Variants in USP25 observed in about 807,000 individuals in gnomAD.
USP25 encodes ubiquitin carboxyl-terminal hydrolase 25.
Under a neutral mutation model 158.5 loss-of-function variants are expected in USP25, and 85 were observed. That is an observed-to-expected ratio of 0.54 (90% CI 0.45 to 0.64). The LOEUF is 0.64. Among genes scored for constraint, USP25 ranks in the 30% least tolerant of loss-of-function variants. The pLI is 0.00. For missense variants in USP25, 1,242 were observed against 1,327.3 expected (o/e 0.94, Z 1.00); for synonymous variants, 464 against 460.4 (o/e 1.01, Z -0.10).
At chr21:15,771,854 A>G (rs1014802873) in intron 3 of USP25, among the ~76,000 whole-genome samples, 5 of 150,566 alleles carry the variant, frequency 3.3e-5, no homozygotes, top group Non-Finnish European at 5.9e-5. Flanking sequence ...TCTGTCTTGC[A>G]CTCCCTTGCT....
chr21:15,731,001 T>TC (rs1491266176), intron 1 of USP25, among the ~76,000 whole-genome samples: 3 of 115,976 alleles, frequency 2.6e-5, no homozygotes, highest in African/African-American at 6.5e-5. Context: ...TTTTTTTTTT[T>TC]CAATATAGAA....
At chr21:15,794,618 A>T (rs1362923956) in intron 5 of USP25, among the ~76,000 whole-genome samples, 1 of 151,522 alleles carries the variant, frequency 6.6e-6, no homozygotes, top group Non-Finnish European at 1.5e-5. Flanking sequence ...TAAGGTGCTC[A>T]TACTTCTCAG....
chr21:15,734,403 T>C (rs2031280076), intron 1 of USP25, among the ~76,000 whole-genome samples: 1 of 152,232 alleles, frequency 6.6e-6, no homozygotes. Context: ...GGAGGCATTC[T>C]TTATTAGGAA....
In USP25 at chr21:15,730,387, G is replaced by A. The variant is rs2030675238; in HGVS notation, c.-7G>A. 3.2e-6 allele frequency: 4 copies of A among 1,251,342 alleles called. No individual in the cohort carries two copies. The South Asian group carries it at 1.3e-4, about 41-fold the overall frequency. 77.5% of individuals were successfully genotyped at this position (1,251,342 alleles called of 1,614,324 possible). On this transcript the variant is annotated 5_prime_UTR_variant, in exon 1 of 26. Coordinates refer to ENST00000400183, the MANE Select transcript of USP25 (RefSeq NM_001283041.3). Reference sequence around the variant, plus strand: ...CCGCCGCCGCCGCCGCCGCCGCCGCGGGGGCCATGACCGTGGAGCAGAACG... The same window carrying A: ...CCGCCGCCGCCGCCGCCGCCGCCGCAGGGGCCATGACCGTGGAGCAGAACG...
intron 4 of USP25, among the ~76,000 whole-genome samples, chr21:15,791,255 ACTTT>A (rs1210696565): frequency 1.3e-5 from 2 of 151,904 alleles, no homozygotes; most frequent in South Asian, 2.1e-4. Flanking sequence ...GATTTATTGT[ACTTT>A]CTATTATATA....
chr21:15,861,179 A>T (rs754895733), intron 20 of USP25, among the ~76,000 whole-genome samples: 5 of 152,104 alleles, frequency 3.3e-5, no homozygotes, highest in Non-Finnish European at 7.4e-5. Context: ...TGGGGAATGA[A>T]CAAGAAAGGA....
chr21:15,810,198 AT>A (rs925043325), intron 8 of USP25, among the ~76,000 whole-genome samples: 4 of 151,912 alleles, frequency 2.6e-5, no homozygotes, highest in African/African-American at 7.3e-5. Context: ...AAGGGCCAGA[AT>A]TTTTTTTCAG....
At chr21:15,763,318 A>T (rs1008826106) in intron 2 of USP25, among the ~76,000 whole-genome samples, 14 of 152,120 alleles carry the variant, frequency 9.2e-5, no homozygotes, top group African/African-American at 2.7e-4. Context: ...GTATTAGAGG[A>T]TGAGGTGTAA....
At chr21:15,763,009 C>G in intron 2 of USP25, 41 bp downstream of exon 2, 1 of 1,549,778 alleles carries the variant, frequency 6.5e-7, no homozygotes. Flanking sequence ...GTGGTATATG[C>G]TCATCTCTAG....
Position 15,874,013 on chromosome 21 carries a change from T to C in USP25, c.2886-390T>C, listed in dbSNP as rs891260650. ...ACAAACCAAATGATGTTTGTGATCA[T>C]TTACTTCATATAAATGTGACATTGC... is the stretch of plus-strand genomic sequence containing the variant. On this transcript the variant is annotated intron_variant, in intron 23 of 25. Coordinates refer to ENST00000400183, the MANE Select transcript of USP25 (RefSeq NM_001283041.3). Among the ~76,000 whole-genome samples the C allele has an allele frequency of 1.3e-5, 2 of 152,196 alleles. 1 individual carries two copies. Among genetic ancestry groups the C allele is most frequent in the Non-Finnish European group, 2.9e-5 (2 of 68,034 alleles).
intron 22 of USP25, among the ~76,000 whole-genome samples, chr21:15,868,037 G>C (rs373722580): frequency 5.9e-5 from 9 of 152,118 alleles, no homozygotes; most frequent in African/African-American, 1.9e-4. Context: ...AAAGATCCCA[G>C]TCCACCTCCC....
intron 1 of USP25, among the ~76,000 whole-genome samples, chr21:15,747,418 A>G (rs1478097385): frequency 6.6e-6 from 1 of 151,658 alleles, no homozygotes; most frequent in South Asian, 2.1e-4. Context: ...GTTTTTTCTT[A>G]TCTATATATA....
At chr21:15,792,261 A>G (rs549056643) in intron 5 of USP25, among the ~76,000 whole-genome samples, 11 of 151,758 alleles carry the variant, frequency 7.2e-5, no homozygotes, top group African/African-American at 2.7e-4. Context: ...AGACATATGT[A>G]TGTGTAGATA....
At chr21:15,838,081 C>T (rs1005384441) in intron 17 of USP25, among the ~76,000 whole-genome samples, 1 of 151,904 alleles carries the variant, frequency 6.6e-6, no homozygotes, top group African/African-American at 2.4e-5. Flanking sequence ...CATATACCAC[C>T]ACACTGGGCT....
At chr21:15,815,378 A>C (rs2036885329) in intron 9 of USP25, among the ~76,000 whole-genome samples, 1 of 152,184 alleles carries the variant, frequency 6.6e-6, no homozygotes, top group African/African-American at 2.4e-5. Flanking sequence ...AACTGTGAGA[A>C]GAAGGCCACT....
At chr21:15,861,202 G>A (rs1357764077) in intron 20 of USP25, among the ~76,000 whole-genome samples, 1 of 152,014 alleles carries the variant, frequency 6.6e-6, no homozygotes, top group Non-Finnish European at 1.5e-5. Flanking sequence ...TCACACATAT[G>A]GAGAACTTAA....
intron 20 of USP25, among the ~76,000 whole-genome samples, chr21:15,862,171 A>G (rs964057923): frequency 5.9e-5 from 9 of 152,262 alleles, no homozygotes; most frequent in Non-Finnish European, 1.3e-4. Context: ...ATTTTGTACT[A>G]AAGTATGATA....
intron 9 of USP25, among the ~76,000 whole-genome samples, chr21:15,815,552 C>G (rs1019227267): frequency 6.6e-6 from 1 of 152,200 alleles, no homozygotes; most frequent in Non-Finnish European, 1.5e-5. Context: ...CTACCTCTTG[C>G]ATCAGTGTGA....
chr21:15,813,242 A>G (rs888378123), intron 9 of USP25, among the ~76,000 whole-genome samples: 3 of 152,080 alleles, frequency 2.0e-5, no homozygotes, highest in Admixed American at 1.3e-4. Flanking sequence ...TGCAATAAAT[A>G]TTTTCGTTTT....
Sources: gnomAD v4.1 joint callset for allele counts (sites outside exome capture counted in the v4.1 genomes callset) on GRCh38, gnomAD v4.1.1 for gene constraint, MANE v1.5 for transcripts, NCBI Gene and HGNC (gene_info 2026-07-23, HGNC 2026-07-21) for gene names.